The following PBX1 variants were observed in gnomAD, a reference collection of about 807,000 sequenced individuals.
PBX1 encodes pre-B-cell leukemia transcription factor 1.
Under a neutral mutation model 53.4 loss-of-function variants are expected in PBX1, and 6 were observed. That is an observed-to-expected ratio of 0.11 (90% CI 0.06 to 0.22). PBX1 has a LOEUF of 0.22. Ranked by LOEUF, PBX1 falls within the 10% of genes least tolerant of loss-of-function variation. PBX1 has a pLI of 1.00. For missense variants in PBX1, 251 were observed against 551.4 expected (o/e 0.46, Z 5.46); for synonymous variants, 204 against 212.3 (o/e 0.96, Z 0.34).
chr1:164,598,690 C>T (rs1655938342), intron 2 of PBX1, among the ~76,000 whole-genome samples: 1 of 152,214 alleles, frequency 6.6e-6, no homozygotes, highest in Admixed American at 6.5e-5. Context: ...CCACCCTTTC[C>T]AATGACACTC....
chr1:164,700,267 C>T (rs939617076), intron 2 of PBX1, among the ~76,000 whole-genome samples: 1 of 152,296 alleles, frequency 6.6e-6, no homozygotes, highest in South Asian at 2.1e-4. Flanking sequence ...ACTGTATTAG[C>T]AGCCTGTACA....
intron 2 of PBX1, among the ~76,000 whole-genome samples, chr1:164,664,141 A>G (rs1292688753): frequency 6.6e-6 from 1 of 152,220 alleles, no homozygotes; most frequent in African/African-American, 2.4e-5. Flanking sequence ...AGATGTCTCA[A>G]CTGAAACAGG....
chr1:164,714,973 GT>G (rs1664003168), intron 2 of PBX1, among the ~76,000 whole-genome samples: 1 of 150,706 alleles, frequency 6.6e-6, no homozygotes, highest in Non-Finnish European at 1.5e-5. Flanking sequence ...CCATGCCACT[GT>G]TTATTCATCT....
chr1:164,658,497 C>T (rs1312283605), intron 2 of PBX1, among the ~76,000 whole-genome samples: 1 of 152,208 alleles, frequency 6.6e-6, no homozygotes, highest in Non-Finnish European at 1.5e-5. Flanking sequence ...GACATTTCCT[C>T]AGCATCAAAA....
chr1:164,795,772 A>G (rs1214173054), intron 3 of PBX1, among the ~76,000 whole-genome samples: 1 of 152,160 alleles, frequency 6.6e-6, no homozygotes, highest in Non-Finnish European at 1.5e-5. Context: ...GGATTTTTTA[A>G]AAATAGAAAA....
chr1:164,692,364 A>G (rs1557946167), intron 2 of PBX1, among the ~76,000 whole-genome samples: 1 of 152,174 alleles, frequency 6.6e-6, no homozygotes, highest in Non-Finnish European at 1.5e-5. Context: ...CCTTGAGTAT[A>G]GCAGGCTTTT....
chr1:164,872,744 G>A (rs1274351297), intron 2 of PBX1, among the ~76,000 whole-genome samples: 3 of 152,176 alleles, frequency 2.0e-5, no homozygotes, highest in Non-Finnish European at 2.9e-5. Flanking sequence ...GTGTGCTGCC[G>A]ATAAGCCCTG....
intron 2 of PBX1, among the ~76,000 whole-genome samples, chr1:164,735,821 C>T (rs868779691): frequency 2.6e-5 from 4 of 152,066 alleles, no homozygotes; most frequent in Non-Finnish European, 5.9e-5. Flanking sequence ...GGATTCTGGC[C>T]AAGGCTCTTA....
At chr1:164,829,784 A>AT (rs1477804640) in intron 8 of PBX1, 3 of 151,902 alleles carry the variant, frequency 2.0e-5, no homozygotes, top group Non-Finnish European at 4.4e-5. Flanking sequence ...AAAGTTGGAA[A>AT]TTAAAAAAAA....
intron 2 of PBX1, among the ~76,000 whole-genome samples, chr1:164,661,375 A>G (rs769116416): frequency 1.3e-4 from 20 of 151,826 alleles, no homozygotes; most frequent in Non-Finnish European, 2.5e-4. Context: ...CCTCAGGGAA[A>G]GCCCTGATAT....
Position 164,768,917 on chromosome 1 carries a change from G to C in PBX1, c.266-23577G>C, listed in dbSNP as rs1440725458. On this transcript the variant is annotated intron_variant, in intron 2 of 8. Transcript: ENST00000420696. ...AAAATACAGAAATTAACTGGGTGTG[G>C]TGGCACACGCCTGTAATCCCCCAGC... 6.6e-5 allele frequency among the ~76,000 whole-genome samples: 10 copies of C among 152,258 alleles called. No homozygotes were observed. In the East Asian group the frequency reaches 1.7e-3, roughly 26 times the overall value.
chr1:164,594,628 T>G (rs922939011), intron 2 of PBX1, among the ~76,000 whole-genome samples: 1 of 152,208 alleles, frequency 6.6e-6, no homozygotes, highest in African/African-American at 2.4e-5. Context: ...AATTTTTAAT[T>G]GCCACATTAA....
intron 3 of PBX1, among the ~76,000 whole-genome samples, chr1:164,799,265 G>C (rs913179704): frequency 1.1e-4 from 17 of 152,068 alleles, no homozygotes; most frequent in Non-Finnish European, 2.4e-4. Context: ...CCGAGGCGGG[G>C]GGATCACGAG....
chr1:164,756,100 T>G (rs1475414654), intron 2 of PBX1, among the ~76,000 whole-genome samples: 2 of 152,178 alleles, frequency 1.3e-5, no homozygotes, highest in Non-Finnish European at 2.9e-5. Flanking sequence ...ACGTTGCCCC[T>G]TATTTTAGGG....
rs191699190 is a variant in PBX1 at position 164,806,950 on chromosome 1, T to C, written c.702-592T>C. On this transcript the variant is annotated intron_variant, in intron 4 of 8. Transcript: ENST00000420696. ...TCGAAATCACCCAGCTGATATTCAA[T>C]TGACCGAGGATTCAAAACCAAGATG... Among the ~76,000 whole-genome samples, 52 of 152,268 alleles carry C rather than the reference T, an allele frequency of 3.4e-4. No individual in the cohort carries two copies. The East Asian group carries it at 4.8e-3, about 14-fold the overall frequency.
chr1:164,686,112 A>T (rs975711351), intron 2 of PBX1, among the ~76,000 whole-genome samples: 1 of 152,170 alleles, frequency 6.6e-6, no homozygotes, highest in African/African-American at 2.4e-5. Flanking sequence ...AGAGCTACCT[A>T]CAGGGCGGGG....
intron 2 of PBX1, among the ~76,000 whole-genome samples, chr1:164,690,912 A>G (rs1166049240): frequency 6.6e-6 from 1 of 152,038 alleles, no homozygotes; most frequent in African/African-American, 2.4e-5. Context: ...TGAAGTCACA[A>G]AGTCCCTGAG....
intron 2 of PBX1, among the ~76,000 whole-genome samples, chr1:164,664,041 C>T (rs1052806813): frequency 6.6e-6 from 1 of 152,204 alleles, no homozygotes; most frequent in Non-Finnish European, 1.5e-5. Context: ...AGAGACTGAG[C>T]AGCCACTTTG....
intron 4 of PBX1, among the ~76,000 whole-genome samples, chr1:164,801,817 A>C (rs1669090962): frequency 1.3e-5 from 2 of 152,204 alleles, no homozygotes; most frequent in Admixed American, 6.5e-5. Context: ...GGGTATATTT[A>C]TTACCAGTGA....
Sources: allele counts gnomAD v4.1 joint callset (sites outside exome capture counted in the v4.1 genomes callset), GRCh38; gene constraint gnomAD v4.1.1; transcripts MANE v1.5; gene names NCBI Gene and HGNC (gene_info 2026-07-23, HGNC 2026-07-21).